PCNX2: variants seen among roughly 807,000 people sequenced by gnomAD.
The protein encoded by PCNX2 is pecanex 2.
PCNX2 carries 168 observed loss-of-function variants against 223.8 expected under a neutral mutation model. That is an observed-to-expected ratio of 0.75 (90% confidence interval 0.66 to 0.85). PCNX2 has a LOEUF of 0.85. Ranked by LOEUF, PCNX2 falls within the 40% of genes least tolerant of loss-of-function variation. The probability of loss-of-function intolerance (pLI) is 0.00; values close to 1 mark genes in which losing one functional copy is unlikely to be tolerated. For synonymous variants in PCNX2, 1,006 were observed against 1,052.6 expected (o/e 0.96, Z 0.86); for missense variants, 2,507 against 2,675.5 (o/e 0.94, Z 1.39).
At chr1:233,170,933 C>T (rs1679112364) in intron 17 of PCNX2, among the ~76,000 whole-genome samples, 1 of 152,216 alleles carries the variant, frequency 6.6e-6, no homozygotes, top group African/African-American at 2.4e-5. Flanking sequence ...GAGCAGCCCT[C>T]ATCCGAAAAT....
rs771346420 is a variant in PCNX2, at chr1:233,139,708, A to G, written c.3659+6T>C. 5.0e-6 allele frequency: 8 copies of G among 1,592,308 alleles called. No individual in the cohort carries two copies. The South Asian group carries it at 5.7e-5, about 11-fold the overall frequency. On this transcript the variant is annotated splice_donor_region_variant and intron_variant, in intron 20 of 33. Coordinates refer to ENST00000258229, the MANE Select transcript of PCNX2 (RefSeq NM_014801.4). This position sits in a 1 kb window ranked among gnomAD's most constrained non-coding sequence, Gnocchi z 4.4. ...TCATTATGAAGATAAACCATTAACCACTTACTGGGTACCAAGTCTCCGGTG... is the reference window on the plus strand; with the variant it reads ...TCATTATGAAGATAAACCATTAACCGCTTACTGGGTACCAAGTCTCCGGTG...
intron 25 of PCNX2, among the ~76,000 whole-genome samples, chr1:233,030,816 A>G (rs1671237678): frequency 6.6e-6 from 1 of 152,232 alleles, no homozygotes; most frequent in African/African-American, 2.4e-5. Context: ...TCCAGTTACC[A>G]TTCTCTGTCA....
chr1:233,047,320 C>T (rs1467451536), intron 25 of PCNX2: 1 of 908,298 alleles, frequency 1.1e-6, no homozygotes. Flanking sequence ...TTAAGAAGCG[C>T]TGCTTGTGAT....
At chr1:233,037,190 A>T (rs1268870652) in intron 25 of PCNX2, among the ~76,000 whole-genome samples, 2 of 152,238 alleles carry the variant, frequency 1.3e-5, no homozygotes, top group African/African-American at 2.4e-5. Context: ...GACTAAGGCC[A>T]CAGAGAAGAA....
chr1:233,250,013 T>C (rs1409643946), intron 8 of PCNX2, among the ~76,000 whole-genome samples: 3 of 152,274 alleles, frequency 2.0e-5, no homozygotes, highest in African/African-American at 7.2e-5. Flanking sequence ...CACAAGACAT[T>C]CCAGTTACAC....
intron 17 of PCNX2, chr1:233,167,827 T>C: frequency 1.0e-6 from 1 of 969,256 alleles, no homozygotes; most frequent in Non-Finnish European, 1.2e-6. Flanking sequence ...GTTGGTTTTC[T>C]TGTTAAATAA....
chr1:233,200,906 G>A (rs1475362953), intron 13 of PCNX2, among the ~76,000 whole-genome samples: 2 of 150,824 alleles, frequency 1.3e-5, no homozygotes, highest in South Asian at 2.1e-4. Flanking sequence ...GGCGCCTGTA[G>A]TCCCAGCTAC....
At chr1:233,044,615 G>A (rs924071777) in intron 25 of PCNX2, among the ~76,000 whole-genome samples, 8 of 151,608 alleles carry the variant, frequency 5.3e-5, no homozygotes, top group Non-Finnish European at 1.2e-4. Flanking sequence ...TTCTATTCTG[G>A]AATATATGAG....
chr1:233,082,086 G>T (rs1673388204), intron 23 of PCNX2, among the ~76,000 whole-genome samples: 1 of 152,118 alleles, frequency 6.6e-6, no homozygotes, highest in African/African-American at 2.4e-5. Flanking sequence ...TCAGCCCTGG[G>T]TTAATATCGT....
intron 33 of PCNX2, 144 bp downstream of exon 33, chr1:232,985,948 C>G: frequency 1.1e-6 from 1 of 896,088 alleles, no homozygotes; most frequent in South Asian, 1.5e-5. Flanking sequence ...TAATCACTGT[C>G]CTTTGTCACT....
intron 23 of PCNX2, among the ~76,000 whole-genome samples, chr1:233,063,102 T>C (rs1178207166): frequency 6.6e-6 from 1 of 152,092 alleles, no homozygotes; most frequent in African/African-American, 2.4e-5. Flanking sequence ...CAGGGTGTGG[T>C]GGCACACCCT....
At chr1:233,172,246 C>T in intron 17 of PCNX2, 2 of 537,192 alleles carry the variant, frequency 3.7e-6, no homozygotes, top group Non-Finnish European at 4.8e-6. Flanking sequence ...TTATAGTAAG[C>T]TGTGCATTTT....
intron 1 of PCNX2, among the ~76,000 whole-genome samples, chr1:233,273,233 T>G (rs1483685757): frequency 6.6e-6 from 1 of 151,806 alleles, no homozygotes; most frequent in African/African-American, 2.4e-5. Context: ...TAATCATTTT[T>G]AAAGGAACAG....
At chr1:233,136,034 C>G (rs1571945396) in intron 20 of PCNX2, among the ~76,000 whole-genome samples, 1 of 152,180 alleles carries the variant, frequency 6.6e-6, no homozygotes, top group South Asian at 2.1e-4. Context: ...ATGATAAAGT[C>G]AACAATGAAC....
At chr1:233,255,266 C>T (rs1572158889) in intron 5 of PCNX2, among the ~76,000 whole-genome samples, 1 of 152,274 alleles carries the variant, frequency 6.6e-6, no homozygotes. Flanking sequence ...CTTAGGACCA[C>T]CCAAAGAAAA....
At chr1:233,075,738 C>CACACACA (rs773006844) in intron 23 of PCNX2, among the ~76,000 whole-genome samples, 5 of 147,836 alleles carry the variant, frequency 3.4e-5, no homozygotes, top group African/African-American at 1.2e-4. Flanking sequence ...CACACACACA[C>CACACACA]AACAGAAAAG....
At chr1:233,243,268 G>T (rs1658887089) in intron 8 of PCNX2, among the ~76,000 whole-genome samples, 1 of 152,140 alleles carries the variant, frequency 6.6e-6, no homozygotes, top group African/African-American at 2.4e-5. Flanking sequence ...AAGAGGAATG[G>T]CTTTTTTGCC....
chr1:233,013,856 T>G (rs1276875759), intron 28 of PCNX2, among the ~76,000 whole-genome samples: 1 of 152,134 alleles, frequency 6.6e-6, no homozygotes, highest in Non-Finnish European at 1.5e-5. Context: ...GGAATCAGGA[T>G]ATTTAAAAGC....
chr1:233,011,954 A>AAGTTC (rs1248438106), intron 28 of PCNX2, among the ~76,000 whole-genome samples: 1 of 152,162 alleles, frequency 6.6e-6, no homozygotes, highest in Admixed American at 6.5e-5. Context: ...AGCCAGTCAG[A>AAGTTC]AGTTCAGGTG....
Sources: gnomAD v4.1 joint callset for allele counts (sites outside exome capture counted in the v4.1 genomes callset) on GRCh38, gnomAD v4.1.1 for gene constraint, Gnocchi (gnomAD v3.1) non-coding constraint, MANE v1.5 for transcripts, NCBI Gene and HGNC (gene_info 2026-07-23, HGNC 2026-07-21) for gene names.